Variants in MYH3 observed in about 807,000 individuals in gnomAD.
MYH3 encodes myosin-3.
A neutral mutation model predicts 238.0 loss-of-function variants in MYH3; 130 were observed. The observed-to-expected ratio is 0.55, with a 90% CI of 0.47 to 0.63. MYH3 has a LOEUF of 0.63. Among genes scored for constraint, MYH3 ranks in the 30% least tolerant of loss-of-function variants. The pLI is 0.00. For missense variants in MYH3, 1,853 were observed against 2,374.9 expected, an observed-to-expected ratio of 0.78 and a Z score of 4.57; for synonymous variants, 880 against 924.1, an observed-to-expected ratio of 0.95 and a Z score of 0.86.
chr17:10,644,589 C>G lies in MYH3; in HGVS notation c.1255G>C (p.Asp419His). The change falls in exon 13 of 41, where the codon GAT (aspartate) becomes CAT (histidine). Residue 419 changes from aspartate to histidine, a missense_variant. Coordinates refer to ENST00000583535, the MANE Select transcript of MYH3 (RefSeq NM_002470.4). ...NEYVTKGQTV[D>H]QVHHAVNALS... ...CCCGGCCTTGAAGCTGTTACCTGAT[C>G]CACAGTTTGACCTTTGGTAACGTAC... is the stretch of plus-strand genomic sequence containing the variant. 6.2e-7 allele frequency: 1 copy of G among 1,613,942 alleles called. No individual in the cohort carries two copies. Among genetic ancestry groups the G allele is most frequent in the Non-Finnish European group, 8.5e-7 (1 of 1,179,798 alleles).
chr17:10,642,118 T>TAAGA lies in MYH3; in HGVS notation c.1959+121_1959+122insTCTT, dbSNP rs2142403810. 1.1e-6 allele frequency: 1 copy of TAAGA among 926,414 alleles called. No homozygotes were observed. Among genetic ancestry groups the TAAGA allele is most frequent in the Admixed American group, 2.0e-5 (1 of 49,570 alleles). The allele number at this position is 926,414 out of a possible 1,614,324, so 57.4% of individuals were successfully genotyped here. On this transcript the variant is annotated intron_variant, in intron 17 of 40. Coordinates refer to ENST00000583535, the MANE Select transcript of MYH3 (RefSeq NM_002470.4). This position sits in a 1 kb window ranked among gnomAD's most constrained non-coding sequence, Gnocchi z 5.4. ...TTTATCATCTGTCACTTCACCTCAG[T>TAAGA]GACAGTAATCAGATTAAGACAACAC...
intron 17 of MYH3, among the ~76,000 whole-genome samples, 194 bp from the exon 18 acceptor site, chr17:10,641,566 A>G (rs1271069787): frequency 4.8e-5 from 7 of 145,440 alleles, no homozygotes; most frequent in East Asian, 4.0e-4. Context: ...CCATGCTGGA[A>G]TGCAGTGGCT....
At chr17:10,665,827 CAGG>C in the MYH3 span, among the ~76,000 whole-genome samples, 1 of 152,166 alleles carries the variant, frequency 6.6e-6, no homozygotes, top group African/African-American at 2.4e-5. Context: ...AGAAAAGCCA[CAGG>C]AGGACATTCT....
intron 40 of MYH3, 107 bp downstream of exon 40, chr17:10,629,490 G>A (rs533007781): frequency 1.4e-6 from 2 of 1,458,638 alleles, no homozygotes; most frequent in South Asian, 1.2e-5. Context: ...TTCTCTTCCT[G>A]AGCCTGAGAC....
chr17:10,632,509 G>C lies in MYH3; in HGVS notation c.4923C>G (p.Leu1641=), dbSNP rs1173568480. 2.5e-6 allele frequency: 4 copies of C among 1,613,972 alleles called. No individual in the cohort carries two copies. The highest frequency in any genetic ancestry group is 1.3e-5 in the African/African-American group (1 of 74,934). Residue 1641 remains leucine (L), a synonymous_variant, in exon 34 of 41, where the codon CTC becomes CTG. Coordinates refer to ENST00000583535, the MANE Select transcript of MYH3 (RefSeq NM_002470.4). ...GTCCCTGGACACTCCTGAGGTGTTT[G>C]AGGGTCTCCGCCGCCTGGCGGTTGG... is the stretch of plus-strand genomic sequence containing the variant. ...SHANRQAAET[L]KHLRSVQGQL... is the part of the protein sequence containing the mutation.
In MYH3 at chr17:10,642,645, A is replaced by G. The variant is rs746654045; in HGVS notation, c.1660T>C (p.Tyr554His). The G allele has an allele frequency of 6.2e-6, 10 of 1,614,140 alleles. No individual in the cohort carries two copies. The highest frequency in any genetic ancestry group is 1.6e-4 in the Middle Eastern group (1 of 6,084). Reference sequence around the variant, plus strand: ...TTGGACTTTCCAAGATGCTGGTCATACAGCTTGTTCTTGAAGGAGGTGTCT... The same window carrying G: ...TTGGACTTTCCAAGATGCTGGTCATGCAGCTTGTTCTTGAAGGAGGTGTCT... Reference protein sequence around the residue: ...ATDTSFKNKLYDQHLGKSNNF... With the variant: ...ATDTSFKNKLHDQHLGKSNNF... Residue 554 changes from tyrosine (Y) to histidine (H), a missense_variant, in exon 16 of 41, where the codon TAT becomes CAT. Physicochemically the swap from Tyr to His is moderately conservative, Grantham distance 83. This residue lies in a region of MYH3 where 678 missense variants were observed against 1,058.9 expected (regional missense o/e 0.64). Transcript: ENST00000583535. This position sits in a 1 kb window ranked among gnomAD's most constrained non-coding sequence, Gnocchi z 5.4.
chr17:10,648,513 G>T, intron 8 of MYH3, 44 bp downstream of exon 8: 1 of 1,530,934 alleles, frequency 6.5e-7, no homozygotes, highest in Non-Finnish European at 9.1e-7. Flanking sequence ...TGCCTATTTT[G>T]TGAGGCACAA....
upstream of MYH3, among the ~76,000 whole-genome samples, chr17:10,660,441 C>T (rs1467109979): frequency 2.6e-5 from 4 of 152,048 alleles, no homozygotes; most frequent in Non-Finnish European, 4.4e-5. Context: ...TTTGGGAGGC[C>T]GAGGCGGGCG....
chr17:10,629,978 G>A, intron 38 of MYH3, 41 bp from the exon 39 acceptor site: 1 of 1,609,552 alleles, frequency 6.2e-7, no homozygotes, highest in Non-Finnish European at 8.5e-7. Flanking sequence ...AGAGGAGGGG[G>A]CAGATTTGCA....
In MYH3 at chr17:10,647,491, T is replaced by C. The variant is rs956961783; in HGVS notation, c.736-65A>G. On this transcript the variant is annotated intron_variant, in intron 8 of 40. Transcript: ENST00000583535. The stretch of plus-strand genomic sequence containing the variant: ...ATGGCCCAATAGTTCCTATTCATCT[T>C]ATGGGTAATTTGAGTAGGAGCCTAG... 3.2e-6 allele frequency: 5 copies of C among 1,558,542 alleles called. No homozygotes were observed. In the African/African-American group the frequency reaches 6.8e-5, roughly 21 times the overall value.
chr17:10,643,113 CA>C, intron 14 of MYH3, 117 bp from the exon 15 acceptor site: 1 of 1,558,696 alleles, frequency 6.4e-7, no homozygotes, highest in Non-Finnish European at 8.7e-7. Flanking sequence ...CTTTCAAATA[CA>C]ATCACAATCT....
At chr17:10,633,457 G>GC in intron 33 of MYH3, 134 bp downstream of exon 33, 1 of 1,080,726 alleles carries the variant, frequency 9.3e-7, no homozygotes, top group African/African-American at 1.5e-5. Context: ...TTTGCTGTGT[G>GC]ACGGGAAAGC....
At chr17:10,635,664 GC>G in intron 29 of MYH3, 70 bp downstream of exon 29, 6 of 1,612,842 alleles carry the variant, frequency 3.7e-6, no homozygotes, top group Non-Finnish European at 5.1e-6. Context: ...GAATGAAGTT[GC>G]CTTTTATTTT....
intron 14 of MYH3, among the ~76,000 whole-genome samples, chr17:10,643,785 T>G (rs1413182717): frequency 6.6e-5 from 10 of 152,232 alleles, no homozygotes; most frequent in Non-Finnish European, 1.3e-4. Flanking sequence ...AATCAGTGAT[T>G]GCATTTAATT....
intron 33 of MYH3, 135 bp downstream of exon 33, chr17:10,633,456 T>TGAC (rs1369639311): frequency 3.2e-5 from 34 of 1,071,150 alleles, no homozygotes; most frequent in Non-Finnish European, 4.6e-5. Context: ...TTTTGCTGTG[T>TGAC]GACGGGAAAG....
chr17:10,647,216 G>A lies in MYH3; in HGVS notation c.864C>T (p.Tyr288=). ...LKAERSYHIF[Y]QILSNKKPEL... ...CAGGCTTCTTGTTAGAAAGAATCTG[G>A]TAGAAGATGTGGTAGCTTCTTTCAG... The change falls in exon 10 of 41, where the codon TAC becomes TAT. Residue 288 remains tyrosine, a synonymous_variant. Transcript: ENST00000583535. 1 of 1,614,160 alleles carries A rather than the reference G, an allele frequency of 6.2e-7. No homozygotes were observed. Among genetic ancestry groups the A allele is most frequent in the Non-Finnish European group, 8.5e-7 (1 of 1,179,992 alleles).
intron 32 of MYH3, 86 bp downstream of exon 32, chr17:10,633,931 G>C: frequency 6.5e-7 from 1 of 1,548,644 alleles, no homozygotes; most frequent in Non-Finnish European, 8.9e-7. Context: ...GCAGGAAACT[G>C]AGTGATGAAG....
chr17:10,645,444 C>T (rs1271280584), intron 12 of MYH3, among the ~76,000 whole-genome samples: 1 of 152,042 alleles, frequency 6.6e-6, no homozygotes, highest in Non-Finnish European at 1.5e-5. Context: ...TCTCGTGCCT[C>T]AGCCTCCTGA....
chr17:10,649,467 T>C, intron 7 of MYH3, 110 bp downstream of exon 7: 1 of 885,188 alleles, frequency 1.1e-6, no homozygotes, highest in Non-Finnish European at 1.9e-6. Context: ...CCTAGCCTGT[T>C]CTCCATTCTC....
Sources: allele counts gnomAD v4.1 joint callset (sites outside exome capture counted in the v4.1 genomes callset), GRCh38; gene constraint gnomAD v4.1.1; regional missense constraint gnomAD v4.1.1; non-coding constraint Gnocchi (gnomAD v3.1); transcripts MANE v1.5; gene names NCBI Gene and HGNC (gene_info 2026-07-23, HGNC 2026-07-21).